Variants in ABCC5 observed in about 807,000 individuals in gnomAD.
ABCC5 encodes the protein ATP binding cassette subfamily C member 5, also known as ATP-binding cassette sub-family C member 5.
In ABCC5, 61 loss-of-function variants were observed where a neutral mutation model predicts 160.9. The observed-to-expected ratio is 0.38, with a 90% CI of 0.31 to 0.47. The LOEUF is 0.47. Ranked by LOEUF, ABCC5 falls within the 20% of genes least tolerant of loss-of-function variation. The probability of loss-of-function intolerance (pLI) is 0.99; values close to 1 mark genes in which losing one functional copy is unlikely to be tolerated. For synonymous variants in ABCC5, 666 were observed against 700.6 expected (o/e 0.95, Z 0.78); for missense variants, 1,308 against 1,813.3 (o/e 0.72, Z 5.06).
chr3:183,971,074 G>T (rs1010909614), intron 11 of ABCC5, among the ~76,000 whole-genome samples: 3 of 152,146 alleles, frequency 2.0e-5, no homozygotes, highest in Admixed American at 6.5e-5. Context: ...GGCCCTCTGA[G>T]ACTAATCTTG....
At chr3:183,953,312 C>T (rs1314027799) in intron 17 of ABCC5, 42 bp from the exon 18 acceptor site, 1 of 1,549,672 alleles carries the variant, frequency 6.5e-7, no homozygotes, top group Non-Finnish European at 8.7e-7. Context: ...AAGGGAAGAA[C>T]TATTTCCATA....
intron 2 of ABCC5, among the ~76,000 whole-genome samples, chr3:184,002,608 C>T (rs1402295568): frequency 2.0e-5 from 3 of 152,290 alleles, no homozygotes; most frequent in South Asian, 2.1e-4. Context: ...AGATAATCAG[C>T]GCACCTATCA....
chr3:183,967,817 A>G (rs372624400), intron 11 of ABCC5, 51 bp from the exon 12 acceptor site: 93 of 1,426,186 alleles, frequency 6.5e-5, no homozygotes, highest in Admixed American at 3.4e-4. Flanking sequence ...CTAACCACTC[A>G]TCGCTAAGGA....
At chr3:183,973,228 G>A (rs1308053392) in intron 10 of ABCC5, among the ~76,000 whole-genome samples, 1 of 150,954 alleles carries the variant, frequency 6.6e-6, no homozygotes, top group Non-Finnish European at 1.5e-5. Context: ...CTAATTTTTT[G>A]TATTTTTAGT....
intron 10 of ABCC5, among the ~76,000 whole-genome samples, chr3:183,972,610 A>G (rs1258653063): frequency 6.6e-6 from 1 of 151,992 alleles, no homozygotes; most frequent in African/African-American, 2.4e-5. Flanking sequence ...CTTTCCTCCC[A>G]CTCATTCCCA....
chr3:183,975,004 C>T lies in ABCC5; in HGVS notation c.1404+2513G>A, dbSNP rs77877551. ...GGTGAAAAGCAGGGCTCTGCAACAT[C>T]GTCAGTGAGTTTCAAGGTCTGTAAA... is the stretch of plus-strand genomic sequence containing the variant. On this transcript the variant is annotated intron_variant, in intron 10 of 29. Coordinates refer to ENST00000334444, the MANE Select transcript of ABCC5 (RefSeq NM_005688.4). Among the ~76,000 whole-genome samples the T allele has an allele frequency of 7.2e-4, 109 of 152,220 alleles. 1 individual carries two copies. Among genetic ancestry groups the T allele is most frequent in the African/African-American group, 2.4e-3 (101 of 41,548 alleles).
chr3:184,003,096 A>T (rs1720888374), intron 2 of ABCC5, among the ~76,000 whole-genome samples: 1 of 152,088 alleles, frequency 6.6e-6, no homozygotes, highest in Non-Finnish European at 1.5e-5. Context: ...CAAGAAAACC[A>T]TTTCTACAGA....
intron 10 of ABCC5, 32 bp downstream of exon 10, chr3:183,977,485 C>T (rs968409831): frequency 3.3e-6 from 5 of 1,529,178 alleles, no homozygotes; most frequent in Non-Finnish European, 3.6e-6. Context: ...GGGAGGGCTC[C>T]TGACACGGGG....
chr3:183,937,902 T>G lies in ABCC5; in HGVS notation c.3853A>C (p.Arg1285=). The G allele has an allele frequency of 6.2e-7, 1 of 1,614,094 alleles. No homozygotes were observed. Among genetic ancestry groups the G allele is most frequent in the Non-Finnish European group, 8.5e-7 (1 of 1,179,984 alleles). Residue 1285 remains arginine, a splice_region_variant and synonymous_variant, in exon 26 of 30, where the codon AGA becomes CGA. Transcript: ENST00000334444. ...ACATGCAGGTGCTCAGGTCCTCACC[T>G]GACAGTGCCACTGAACAGCACCGGC... is the stretch of plus-strand genomic sequence containing the variant. ...QEPVLFSGTV[R]SNLDPFNQYT... is the part of the protein sequence containing the mutation.
chr3:183,922,061 AT>A (rs1291294354), intron 29 of ABCC5, among the ~76,000 whole-genome samples: 4 of 148,336 alleles, frequency 2.7e-5, no homozygotes, highest in African/African-American at 4.9e-5. Context: ...AAATAAATAA[AT>A]AAATAAATAA....
rs377674885 is a variant in ABCC5, at chr3:183,926,550, A to AAAAAC, written c.4047+775_4047+779dup. On this transcript the variant is annotated intron_variant, in intron 28 of 29. Coordinates refer to ENST00000334444, the MANE Select transcript of ABCC5 (RefSeq NM_005688.4). ...GGGTGGCAGAGTGAGACTCTGTCTC[A>AAAAAC]AAAACAAAACAAAACAAAACAAAAC... Among the ~76,000 whole-genome samples the AAAAAC allele has an allele frequency of 5.2e-4, 79 of 152,088 alleles. No homozygotes were observed. The East Asian group carries it at 0.014, about 28-fold the overall frequency.
intron 17 of ABCC5, among the ~76,000 whole-genome samples, chr3:183,955,495 A>G (rs185277501): frequency 6.6e-6 from 1 of 152,290 alleles, no homozygotes; most frequent in African/African-American, 2.4e-5. Flanking sequence ...CCTAGAGGAG[A>G]GTTTATTCAG....
chr3:184,014,597 A>C (rs967934212), intron 1 of ABCC5, 150 bp from the exon 2 acceptor site: 5 of 402,024 alleles, frequency 1.2e-5, no homozygotes, highest in African/African-American at 8.3e-5. Context: ...TTTCAAAAAA[A>C]GTTCAAAGAT....
rs1715357134 is a variant in ABCC5 at position 183,951,618 on chromosome 3, C to G, written c.2815-48G>C. On this transcript the variant is annotated intron_variant, in intron 19 of 29. Coordinates refer to ENST00000334444, the MANE Select transcript of ABCC5 (RefSeq NM_005688.4). This position sits in a 1 kb window ranked among gnomAD's most constrained non-coding sequence, Gnocchi z 4.7. ...GTCAGGGCCCAGGGACGGCTCTGTT[C>G]CTACTGGTCCAGAGAACCGCTCCGC... 1 of 1,599,372 alleles carries G rather than the reference C, an allele frequency of 6.3e-7. No homozygotes were observed. Among genetic ancestry groups the G allele is most frequent in the Non-Finnish European group, 8.5e-7 (1 of 1,172,650 alleles).
intron 16 of ABCC5, among the ~76,000 whole-genome samples, chr3:183,960,111 A>C (rs1329024940): frequency 6.6e-6 from 1 of 152,216 alleles, no homozygotes; most frequent in East Asian, 1.9e-4. Flanking sequence ...AGTTGCACAA[A>C]GTATTAGGCA....
chr3:183,950,234 G>A (rs767656047), intron 20 of ABCC5, 109 bp from the exon 21 acceptor site: 1 of 1,313,774 alleles, frequency 7.6e-7, no homozygotes. Context: ...AGTTTGTGAT[G>A]TTGTCTTTAA....
At chr3:183,925,823 A>G in intron 28 of ABCC5, 104 bp from the exon 29 acceptor site, 2 of 1,040,226 alleles carry the variant, frequency 1.9e-6, no homozygotes, top group Non-Finnish European at 2.7e-6. Context: ...TACACTATCT[A>G]TTGTTTTCTT....
At chr3:183,927,922 G>A (rs1040794475) in intron 27 of ABCC5, 5 of 663,134 alleles carry the variant, frequency 7.5e-6, no homozygotes, top group Non-Finnish European at 9.3e-6. Context: ...AGTTGAATTA[G>A]GGCAGGGGAT....
intron 25 of ABCC5, among the ~76,000 whole-genome samples, chr3:183,940,006 C>A (rs115447666): frequency 6.6e-6 from 1 of 152,098 alleles, no homozygotes; most frequent in South Asian, 2.1e-4. Context: ...GGATCTACCC[C>A]CTGGGCATAC....
Sources: gnomAD v4.1 joint callset for allele counts (sites outside exome capture counted in the v4.1 genomes callset) on GRCh38, gnomAD v4.1.1 for gene constraint, Gnocchi (gnomAD v3.1) non-coding constraint, MANE v1.5 for transcripts, NCBI Gene and HGNC (gene_info 2026-07-23, HGNC 2026-07-21) for gene names.